Variants in PTPRD observed in about 807,000 individuals in gnomAD.
The protein encoded by PTPRD is receptor-type tyrosine-protein phosphatase delta.
In PTPRD, 34 loss-of-function variants were observed where a neutral mutation model predicts 214.5. That is an observed-to-expected ratio of 0.16 (90% CI 0.12 to 0.21). PTPRD has a LOEUF of 0.21. Ranked by LOEUF, PTPRD falls within the 10% of genes least tolerant of loss-of-function variation. The probability of loss-of-function intolerance (pLI) is 1.00; values close to 1 mark genes in which losing one functional copy is unlikely to be tolerated. For missense variants in PTPRD, 2,545 were observed against 2,398.7 expected, an observed-to-expected ratio of 1.06 and a Z score of -1.27; for synonymous variants, 1,128 against 845.7, an observed-to-expected ratio of 1.33 and a Z score of -5.79.
chr9:9,679,483 C>T (rs919641235), intron 7 of PTPRD, among the ~76,000 whole-genome samples: 1 of 151,800 alleles, frequency 6.6e-6, no homozygotes, highest in East Asian at 1.9e-4. Context: ...AATGACGGAT[C>T]CCCCTGTGAA....
chr9:10,242,076 A>G (rs1170519525), intron 3 of PTPRD, among the ~76,000 whole-genome samples: 1 of 151,980 alleles, frequency 6.6e-6, no homozygotes. Flanking sequence ...ATTAAAGACT[A>G]TATGACCTGT....
intron 2 of PTPRD, among the ~76,000 whole-genome samples, chr9:10,368,073 A>G (rs554580935): frequency 5.4e-4 from 82 of 152,278 alleles, no homozygotes; most frequent in African/African-American, 1.9e-3. Context: ...GTTTTCAACC[A>G]TAGACAAGCA....
At chr9:9,441,823 G>T (rs530359245) in intron 8 of PTPRD, among the ~76,000 whole-genome samples, 1 of 152,176 alleles carries the variant, frequency 6.6e-6, no homozygotes, top group Non-Finnish European at 1.5e-5. Flanking sequence ...TTGCAGAATG[G>T]TGTCATGCTA....
chr9:9,906,336 G>T (rs906589710), intron 5 of PTPRD, among the ~76,000 whole-genome samples: 6 of 151,920 alleles, frequency 3.9e-5, no homozygotes. Context: ...GGTCCCTCCA[G>T]TAATTCCAAC....
intron 35 of PTPRD, among the ~76,000 whole-genome samples, chr9:8,410,878 ACTATGC>A (rs1485787781): frequency 2.0e-5 from 3 of 152,170 alleles, no homozygotes; most frequent in Non-Finnish European, 4.4e-5. Flanking sequence ...AAAAGGATAA[ACTATGC>A]TCATAGTAAA....
At chr9:9,701,211 G>C (rs2097494441) in intron 7 of PTPRD, among the ~76,000 whole-genome samples, 1 of 152,078 alleles carries the variant, frequency 6.6e-6, no homozygotes, top group Non-Finnish European at 1.5e-5. Flanking sequence ...AGCCATTTTG[G>C]GAGGTAACAC....
intron 10 of PTPRD, among the ~76,000 whole-genome samples, chr9:9,139,847 T>C (rs895191620): frequency 1.3e-5 from 2 of 152,180 alleles, no homozygotes; most frequent in African/African-American, 4.8e-5. Context: ...GATTGAACTA[T>C]TCTACCCTTA....
Position 9,097,567 on chromosome 9 carries a change from C to G in PTPRD, c.-142-78832G>C, listed in dbSNP as rs1009215981. On this transcript the variant is annotated intron_variant, in intron 10 of 45. Coordinates refer to ENST00000381196, the MANE Select transcript of PTPRD (RefSeq NM_002839.4). ...GGGACTACAGGCACCTGCCACCATG[C>G]CAGGCTAATTTTTTTTGTATTTTTA... Among the ~76,000 whole-genome samples, 65 of 148,312 alleles carry G rather than the reference C, an allele frequency of 4.4e-4. 2 individuals are homozygous for G. The highest frequency in any genetic ancestry group is 1.5e-4 in the Non-Finnish European group (10 of 67,200).
chr9:8,414,177 T>C (rs927260982), intron 35 of PTPRD, among the ~76,000 whole-genome samples: 1 of 152,024 alleles, frequency 6.6e-6, no homozygotes, highest in Non-Finnish European at 1.5e-5. Flanking sequence ...CAAATATATA[T>C]TGGAATAGAC....
chr9:9,439,423 A>T (rs545550986), intron 8 of PTPRD, among the ~76,000 whole-genome samples: 1 of 152,148 alleles, frequency 6.6e-6, no homozygotes, highest in Non-Finnish European at 1.5e-5. Context: ...AGGACAACTG[A>T]TAAGGTGGAA....
rs185414430 is a variant in PTPRD, at chr9:8,508,791, C to G, written c.1544-1357G>C. 2.2e-4 allele frequency among the ~76,000 whole-genome samples: 33 copies of G among 151,980 alleles called. 1 individual carries two copies. The East Asian group carries it at 4.8e-3, about 22-fold the overall frequency. On this transcript the variant is annotated intron_variant, in intron 21 of 45. Transcript: ENST00000381196. ...GTGTACTATGGCTTTAAAAAATGCC[C>G]TTTGTTAAAGCAGTCTGCAAGAATG...
chr9:9,814,308 G>GAA (rs34297202), intron 5 of PTPRD, among the ~76,000 whole-genome samples: 30,772 of 142,496 alleles, frequency 0.22, 3,546 homozygotes, highest in African/African-American at 0.31. Flanking sequence ...AGGTAAGAAA[G>GAA]AAAAAAAAAA....
At position 10,105,923 on chromosome 9, in the gene PTPRD, TG is replaced by T. The variant is rs1222637109; in HGVS notation, c.-544-72134del. On this transcript the variant is annotated intron_variant, in intron 3 of 45. Coordinates refer to ENST00000381196, the MANE Select transcript of PTPRD (RefSeq NM_002839.4). ...CACAAAATCACCTCCACTCACATTT[TG>T]TTGGCCAAAGCAAGTCATATGATCA... 2.7e-5 allele frequency among the ~76,000 whole-genome samples: 4 copies of T among 150,378 alleles called. No homozygotes were observed. The South Asian group carries it at 6.3e-4, about 24-fold the overall frequency.
chr9:10,321,741 C>A (rs774643425), intron 3 of PTPRD, among the ~76,000 whole-genome samples: 14 of 151,920 alleles, frequency 9.2e-5, no homozygotes, highest in Non-Finnish European at 1.8e-4. Context: ...GAAACTGCCA[C>A]CCAAGTAGAT....
intron 9 of PTPRD, among the ~76,000 whole-genome samples, chr9:9,284,589 T>C (rs1948779229): frequency 6.6e-6 from 1 of 151,794 alleles, no homozygotes; most frequent in Non-Finnish European, 1.5e-5. Context: ...CTCAGAGAAG[T>C]TTTTGAAGAT....
At chr9:9,470,082 G>A (rs1226790598) in intron 8 of PTPRD, among the ~76,000 whole-genome samples, 2 of 152,206 alleles carry the variant, frequency 1.3e-5, no homozygotes, top group African/African-American at 4.8e-5. Context: ...TACCTTTGCA[G>A]AAGCTGTAAT....
chr9:8,767,728 T>C (rs1482282204), intron 11 of PTPRD, among the ~76,000 whole-genome samples: 2 of 152,178 alleles, frequency 1.3e-5, no homozygotes, highest in Non-Finnish European at 2.9e-5. Flanking sequence ...GCTCAGGTCA[T>C]ACTCCACAAT....
chr9:8,627,092 C>T (rs1404503581), intron 14 of PTPRD, among the ~76,000 whole-genome samples: 1 of 151,782 alleles, frequency 6.6e-6, no homozygotes, highest in African/African-American at 2.4e-5. Flanking sequence ...CCCAACCCAG[C>T]AGTCTCCTCA....
intron 11 of PTPRD, among the ~76,000 whole-genome samples, chr9:8,755,499 A>G (rs1388918449): frequency 6.6e-6 from 1 of 150,862 alleles, no homozygotes; most frequent in Non-Finnish European, 1.5e-5. Context: ...ACTGCACTCC[A>G]GCCTGGGCAA....
Sources: allele counts gnomAD v4.1 joint callset (sites outside exome capture counted in the v4.1 genomes callset), GRCh38; gene constraint gnomAD v4.1.1; transcripts MANE v1.5; gene names NCBI Gene and HGNC (gene_info 2026-07-23, HGNC 2026-07-21).